Variants in GPC5 observed in about 807,000 individuals in gnomAD.
GPC5 encodes the protein glypican 5.
Under a neutral mutation model 53.9 loss-of-function variants are expected in GPC5, and 47 were observed. That is an observed-to-expected ratio of 0.87 (90% CI 0.69 to 1.11). The LOEUF (loss-of-function observed/expected upper bound fraction) is 1.11, where lower values mean the gene tolerates loss of function less well. Ranked by LOEUF, GPC5 falls within the 50% of genes most tolerant of loss-of-function variation. The probability of loss-of-function intolerance (pLI) is 0.00; values close to 1 mark genes in which losing one functional copy is unlikely to be tolerated. For missense variants in GPC5, 748 were observed against 713.1 expected, an observed-to-expected ratio of 1.05 and a Z score of -0.56; for synonymous variants, 286 against 263.3, an observed-to-expected ratio of 1.09 and a Z score of -0.84.
chr13:91,926,359 T>TAAAAA lies in GPC5; in HGVS notation c.1401+18320_1401+18324dup, dbSNP rs34690525. ...CTGGGTGACAGAGTGAGACTCCACC[T>TAAAAA]AAAAAAAAAAAAAAAAAAAAAATCT... On this transcript the variant is annotated intron_variant, in intron 6 of 7. Coordinates refer to ENST00000377067, the MANE Select transcript of GPC5 (RefSeq NM_004466.6). Among the ~76,000 whole-genome samples the TAAAAA allele has an allele frequency of 4.0e-3, 389 of 96,316 alleles. 5 individuals are homozygous for TAAAAA. Among genetic ancestry groups the TAAAAA allele is most frequent in the African/African-American group, 0.014 (354 of 25,626 alleles). The allele number at this position is 96,316 out of a possible 152,430, so 63.2% of individuals were successfully genotyped here.
intron 7 of GPC5, among the ~76,000 whole-genome samples, chr13:92,754,424 A>G (rs1384120824): frequency 1.3e-5 from 2 of 152,170 alleles, no homozygotes; most frequent in Admixed American, 1.3e-4. Flanking sequence ...GCATCAACTA[A>G]TGAGCGAAAT....
chr13:91,689,023 C>T (rs1402089463), intron 2 of GPC5, among the ~76,000 whole-genome samples: 2 of 150,394 alleles, frequency 1.3e-5, no homozygotes, highest in African/African-American at 2.4e-5. Flanking sequence ...TAAAAATTAG[C>T]CTGGCATGGT....
chr13:92,161,253 A>G (rs1382778675), intron 7 of GPC5, among the ~76,000 whole-genome samples: 1 of 152,168 alleles, frequency 6.6e-6, no homozygotes, highest in South Asian at 2.1e-4. Context: ...CAACATTTCC[A>G]GTGGTAGATC....
chr13:92,406,754 C>G (rs910864452), intron 7 of GPC5, among the ~76,000 whole-genome samples: 2 of 152,084 alleles, frequency 1.3e-5, no homozygotes, highest in Admixed American at 1.3e-4. Flanking sequence ...CTACATAAAG[C>G]CATATAAATT....
At chr13:92,423,453 A>G (rs1006945772) in intron 7 of GPC5, among the ~76,000 whole-genome samples, 2 of 152,214 alleles carry the variant, frequency 1.3e-5, no homozygotes, top group Non-Finnish European at 2.9e-5. Context: ...TGAAATGGGA[A>G]AAATAACCAT....
intron 4 of GPC5, among the ~76,000 whole-genome samples, chr13:91,752,092 G>A (rs1314213619): frequency 2.0e-5 from 3 of 152,072 alleles, no homozygotes; most frequent in Non-Finnish European, 4.4e-5. Context: ...GTTTTCATGC[G>A]GCCTTTTCTC....
chr13:92,526,159 TC>T (rs1287626290), intron 7 of GPC5, among the ~76,000 whole-genome samples: 38 of 152,230 alleles, frequency 2.5e-4, no homozygotes, highest in Non-Finnish European at 4.7e-4. Context: ...CCTATTGTGG[TC>T]CAGGTATTGT....
intron 7 of GPC5, among the ~76,000 whole-genome samples, chr13:92,179,819 AT>A (rs2042133837): frequency 6.6e-6 from 1 of 152,236 alleles, no homozygotes; most frequent in Non-Finnish European, 1.5e-5. Context: ...AAAGCAAAGT[AT>A]TTGTACAGAT....
At chr13:92,209,639 A>G (rs911062584) in intron 7 of GPC5, among the ~76,000 whole-genome samples, 13 of 152,322 alleles carry the variant, frequency 8.5e-5, no homozygotes, top group Admixed American at 3.3e-4. Flanking sequence ...CACAGTAGAT[A>G]TAAAAATAAC....
chr13:92,120,344 C>T lies in GPC5; in HGVS notation c.1402-24486C>T, dbSNP rs556723154. On this transcript the variant is annotated intron_variant, in intron 6 of 7. Transcript: ENST00000377067. Reference sequence around the variant, plus strand: ...GTGGCATGATCAATCACTGTAGCCTCGATCTTCAGCTCAAGTAATCCTCCT... The same window carrying T: ...GTGGCATGATCAATCACTGTAGCCTTGATCTTCAGCTCAAGTAATCCTCCT... 3.9e-5 allele frequency among the ~76,000 whole-genome samples: 6 copies of T among 152,262 alleles called. No homozygotes were observed. In the South Asian group the frequency reaches 1.0e-3, roughly 26 times the overall value.
At chr13:92,249,072 G>T (rs756195297) in intron 7 of GPC5, among the ~76,000 whole-genome samples, 25 of 151,792 alleles carry the variant, frequency 1.6e-4, no homozygotes, top group Non-Finnish European at 3.2e-4. Context: ...TATTTATGGG[G>T]TACATGAGAT....
intron 7 of GPC5, among the ~76,000 whole-genome samples, chr13:92,702,390 C>G (rs187302717): frequency 1.3e-5 from 2 of 152,080 alleles, no homozygotes; most frequent in Non-Finnish European, 2.9e-5. Context: ...AAAGTGAATT[C>G]TTTTCTTCTC....
In GPC5 at chr13:91,420,544, T is replaced by C. The variant is rs185375327; in HGVS notation, c.163+21335T>C. Among the ~76,000 whole-genome samples, 126 of 152,332 alleles carry C rather than the reference T, an allele frequency of 8.3e-4. 1 individual carries two copies. Among genetic ancestry groups the C allele is most frequent in the African/African-American group, 2.8e-3 (118 of 41,566 alleles). On this transcript the variant is annotated intron_variant, in intron 1 of 7. Coordinates refer to ENST00000377067, the MANE Select transcript of GPC5 (RefSeq NM_004466.6). ...TTACTTTTTCCTTTCTGCGATTATT[T>C]TTCGATTTACCTTCAGATATTTTGT...
intron 5 of GPC5, among the ~76,000 whole-genome samples, chr13:91,800,089 G>T (rs2938869): frequency 0.36 from 54,598 of 151,714 alleles, 11,131 homozygotes; most frequent in African/African-American, 0.56. Flanking sequence ...CAAAATCACT[G>T]CTTTGAAATT....
intron 7 of GPC5, among the ~76,000 whole-genome samples, chr13:92,758,979 C>A (rs1486472272): frequency 7.9e-6 from 1 of 126,092 alleles, no homozygotes; most frequent in Non-Finnish European, 1.6e-5. Context: ...CAGAGAATAT[C>A]CTTTTCCCAT....
At chr13:92,602,233 C>CATATATATATATATATATAT (rs149450440) in intron 7 of GPC5, among the ~76,000 whole-genome samples, 26 of 119,466 alleles carry the variant, frequency 2.2e-4, no homozygotes, top group Admixed American at 3.5e-4. Context: ...ATATATATAA[C>CATATATATATATATATATAT]ATATATATAT....
chr13:91,732,128 G>A (rs2036713308), intron 4 of GPC5, among the ~76,000 whole-genome samples: 1 of 152,158 alleles, frequency 6.6e-6, no homozygotes, highest in East Asian at 1.9e-4. Context: ...CACAATGGTT[G>A]AACTAATTTA....
At chr13:92,180,640 G>A (rs12583936) in intron 7 of GPC5, 32,734 of 155,676 alleles carry the variant, frequency 0.21, 4,522 homozygotes, top group East Asian at 0.69. Context: ...AAAAGCAGCC[G>A]TATGGAGATT....
intron 5 of GPC5, among the ~76,000 whole-genome samples, chr13:91,857,493 A>G (rs1474818748): frequency 6.6e-6 from 1 of 151,236 alleles, no homozygotes; most frequent in African/African-American, 2.4e-5. Flanking sequence ...TTATTTTCAC[A>G]TATTGGTCTT....
Sources: gnomAD v4.1 joint callset for allele counts (sites outside exome capture counted in the v4.1 genomes callset) on GRCh38, gnomAD v4.1.1 for gene constraint, MANE v1.5 for transcripts, NCBI Gene and HGNC (gene_info 2026-07-23, HGNC 2026-07-21) for gene names.